PCDH15: variants seen among roughly 807,000 people sequenced by gnomAD.
The protein encoded by PCDH15 is protocadherin related 15, also known as protocadherin-15.
Under a neutral mutation model 178.5 loss-of-function variants are expected in PCDH15, and 129 were observed. The ratio of observed to expected loss-of-function variants is 0.72; its 90% confidence interval spans 0.63 to 0.84. The LOEUF (loss-of-function observed/expected upper bound fraction) is 0.84, where lower values mean the gene tolerates loss of function less well. Among genes scored for constraint, PCDH15 ranks in the 40% least tolerant of loss-of-function variants. The pLI, the probability that PCDH15 is intolerant of heterozygous loss-of-function variation, is 0.00. For missense variants in PCDH15, 2,230 were observed against 2,099.9 expected (o/e 1.06, Z -1.21); for synonymous variants, 800 against 732.0 (o/e 1.09, Z -1.50).
At chr10:53,942,083 A>G (rs2086116420) in intron 23 of PCDH15, among the ~76,000 whole-genome samples, 1 of 152,176 alleles carries the variant, frequency 6.6e-6, no homozygotes, top group African/African-American at 2.4e-5. Context: ...TGCTGTCCAT[A>G]CACTTAATTG....
intron 2 of PCDH15, among the ~76,000 whole-genome samples, chr10:55,107,893 G>GT (rs1837396394): frequency 6.6e-6 from 1 of 152,028 alleles, no homozygotes. Context: ...ATATACTTCT[G>GT]TTATAGACTG....
Position 55,549,038 on chromosome 10 carries a change from T to C in PCDH15, c.-156+78587A>G, listed in dbSNP as rs1246967472. ...CAAATGAAATAAAAATATATTAACA[T>C]AACATTGGATAACACACATTTCAAT... is the stretch of plus-strand genomic sequence containing the variant. On this transcript the variant is annotated intron_variant, in intron 2 of 5. Coordinates refer to the PCDH15 transcript ENST00000613346. Among the ~76,000 whole-genome samples the C allele has an allele frequency of 3.9e-5, 6 of 152,120 alleles. No homozygotes were observed. The East Asian group carries it at 9.6e-4, about 24-fold the overall frequency.
At chr10:55,169,957 A>T (rs1257575261) in intron 1 of PCDH15, among the ~76,000 whole-genome samples, 4 of 149,070 alleles carry the variant, frequency 2.7e-5, no homozygotes, top group Non-Finnish European at 4.4e-5. Context: ...AATTCCATAG[A>T]CTGTTACTTA....
intron 2 of PCDH15, among the ~76,000 whole-genome samples, chr10:55,075,140 T>C (rs1023170812): frequency 3.9e-5 from 6 of 152,068 alleles, no homozygotes; most frequent in African/African-American, 1.4e-4. Flanking sequence ...CTTATTGATC[T>C]ATTTCAGGTT....
rs183229969 is a variant in PCDH15 at position 55,014,219 on chromosome 10, A to G, written c.-79-116719T>C. On this transcript the variant is annotated intron_variant, in intron 2 of 5. Coordinates refer to the PCDH15 transcript ENST00000458638. ...CTTGAAATTTTTTTTTTATAATTAC[A>G]AAGTGGAACTTTAATAGCAATAACT... Among the ~76,000 whole-genome samples, 74 of 152,232 alleles carry G rather than the reference A, an allele frequency of 4.9e-4. 1 individual carries two copies. Among genetic ancestry groups the G allele is most frequent in the African/African-American group, 1.7e-3 (70 of 41,566 alleles).
chr10:55,603,781 T>C (rs1843142553), intron 2 of PCDH15, among the ~76,000 whole-genome samples: 1 of 148,432 alleles, frequency 6.7e-6, no homozygotes, highest in African/African-American at 2.5e-5. Context: ...TACCAGCCGC[T>C]GCAAAATCAT....
chr10:54,400,183 T>C lies in PCDH15; in HGVS notation c.158-21241A>G, dbSNP rs1589221034. On this transcript the variant is annotated intron_variant, in intron 3 of 37. Transcript: ENST00000644397. The stretch of plus-strand genomic sequence containing the variant: ...ATTTCAGAGTAGGAGATAAAGTATT[T>C]GTTGGATTAGCACATTAGCAAAATT... 2.0e-5 allele frequency among the ~76,000 whole-genome samples: 3 copies of C among 152,194 alleles called. 1 individual carries two copies. Among genetic ancestry groups the C allele is most frequent in the Admixed American group, 2.0e-4 (3 of 15,250 alleles).
intron 2 of PCDH15, among the ~76,000 whole-genome samples, chr10:55,406,261 T>C (rs1331278761): frequency 1.3e-5 from 2 of 152,064 alleles, no homozygotes; most frequent in African/African-American, 2.4e-5. Context: ...AACTTATTTT[T>C]GAAGAGACAA....
intron 2 of PCDH15, among the ~76,000 whole-genome samples, chr10:54,992,303 C>G (rs1197575021): frequency 3.3e-5 from 5 of 152,058 alleles, no homozygotes; most frequent in African/African-American, 1.2e-4. Flanking sequence ...AACTACTGGT[C>G]AAAACATGAA....
intron 7 of PCDH15, among the ~76,000 whole-genome samples, chr10:54,324,753 A>T (rs2061831736): frequency 6.6e-6 from 1 of 152,148 alleles, no homozygotes; most frequent in Non-Finnish European, 1.5e-5. Context: ...TGACAGAGCA[A>T]AACCCCATCT....
At chr10:55,111,549 A>T (rs546825888) in intron 2 of PCDH15, among the ~76,000 whole-genome samples, 301 of 151,514 alleles carry the variant, frequency 2.0e-3, no homozygotes, top group African/African-American at 7.0e-3. Flanking sequence ...AAAAAATTTA[A>T]AAAAGTTCTT....
chr10:55,511,933 T>A (rs186203939), intron 2 of PCDH15, among the ~76,000 whole-genome samples: 49 of 152,232 alleles, frequency 3.2e-4, no homozygotes, highest in African/African-American at 1.1e-3. Context: ...TTTCAGTGGC[T>A]ATTCTTAAGG....
chr10:54,852,854 A>G (rs1382252265), intron 3 of PCDH15, among the ~76,000 whole-genome samples: 2 of 149,760 alleles, frequency 1.3e-5, no homozygotes, highest in Non-Finnish European at 3.0e-5. Context: ...CTCTGTCTCA[A>G]AAAAATAAAA....
intron 1 of PCDH15, among the ~76,000 whole-genome samples, chr10:55,202,563 G>A (rs1425734214): frequency 6.6e-6 from 1 of 152,070 alleles, no homozygotes; most frequent in African/African-American, 2.4e-5. Context: ...GAAGAAAGGA[G>A]GTAGGGGGAG....
intron 2 of PCDH15, among the ~76,000 whole-genome samples, chr10:54,923,279 A>AT (rs1837540646): frequency 7.2e-6 from 1 of 137,942 alleles, no homozygotes; most frequent in African/African-American, 2.5e-5. Context: ...CATGAAACCA[A>AT]TTTTTTTCTC....
chr10:54,782,516 T>C (rs1950471897), intron 1 of PCDH15, among the ~76,000 whole-genome samples: 1 of 152,190 alleles, frequency 6.6e-6, no homozygotes, highest in Admixed American at 6.5e-5. Context: ...GTTCTTTTTC[T>C]AATTGATTAC....
Position 54,761,407 on chromosome 10 carries a change from C to T in PCDH15, c.-29+39518G>A, listed in dbSNP as rs547532800. 4.7e-4 allele frequency among the ~76,000 whole-genome samples: 71 copies of T among 152,168 alleles called. 1 individual carries two copies. Among genetic ancestry groups the T allele is most frequent in the African/African-American group, 1.5e-3 (62 of 41,490 alleles). On this transcript the variant is annotated intron_variant, in intron 1 of 37. Transcript: ENST00000644397. ...GATTAAGAACAGGTAAGTAGCTGGG[C>T]GCAGTGGTTCATGCCTGTAATTCCA...
At chr10:54,536,612 CAATAG>C (rs2084556628) in intron 2 of PCDH15, among the ~76,000 whole-genome samples, 1 of 152,112 alleles carries the variant, frequency 6.6e-6, no homozygotes, top group Non-Finnish European at 1.5e-5. Flanking sequence ...GCACAGCACT[CAATAG>C]TTGTTTTTTA....
At chr10:55,456,680 T>C (rs563443163) in intron 2 of PCDH15, among the ~76,000 whole-genome samples, 3 of 152,168 alleles carry the variant, frequency 2.0e-5, no homozygotes, top group East Asian at 1.9e-4. Flanking sequence ...AAAACTTTTA[T>C]TGGATAAGGA....
Sources: allele counts gnomAD v4.1 joint callset (sites outside exome capture counted in the v4.1 genomes callset), GRCh38; gene constraint gnomAD v4.1.1; transcripts MANE v1.5; gene names NCBI Gene and HGNC (gene_info 2026-07-23, HGNC 2026-07-21).